ACYP2: variants seen among roughly 807,000 people sequenced by gnomAD.
ACYP2 encodes the protein acylphosphatase-2.
Under a neutral mutation model 11.2 loss-of-function variants are expected in ACYP2, and 12 were observed. That is an observed-to-expected ratio of 1.08 (90% confidence interval 0.69 to 1.74). The LOEUF (loss-of-function observed/expected upper bound fraction) is 1.74, where lower values mean the gene tolerates loss of function less well. Among genes scored for constraint, ACYP2 ranks in the 40% most tolerant of loss-of-function variants. ACYP2 has a pLI of 0.00. For missense variants in ACYP2, 134 were observed against 101.9 expected (o/e 1.31, Z -1.35); for synonymous variants, 43 against 32.2 (o/e 1.33, Z -1.13).
At chr2:54,052,625 A>G (rs1324670268) in intron 3 of ACYP2, among the ~76,000 whole-genome samples, 2 of 152,210 alleles carry the variant, frequency 1.3e-5, no homozygotes, top group African/African-American at 4.8e-5. Flanking sequence ...AGTAAATACA[A>G]TTTTAAAAAT....
intron 6 of ACYP2, among the ~76,000 whole-genome samples, chr2:54,150,742 T>TC (rs200291792): frequency 1.8e-4 from 25 of 135,860 alleles, no homozygotes; most frequent in African/African-American, 2.7e-4. Flanking sequence ...TTTCTTTCTT[T>TC]TTTTTTTTTT....
chr2:54,126,068 G>A (rs59272765), intron 4 of ACYP2, among the ~76,000 whole-genome samples: 2,220 of 152,240 alleles, frequency 0.015, 64 homozygotes, highest in African/African-American at 0.051. Context: ...GCGACAGAGA[G>A]AGACTCCGAC....
intron 4 of ACYP2, among the ~76,000 whole-genome samples, chr2:54,107,963 C>G (rs190011095): frequency 6.6e-6 from 1 of 152,158 alleles, no homozygotes. Flanking sequence ...TCATCAGAAG[C>G]TGCCATGCTC....
intron 2 of ACYP2, among the ~76,000 whole-genome samples, chr2:54,022,213 T>C (rs1296028132): frequency 1.3e-5 from 2 of 152,292 alleles, no homozygotes; most frequent in Middle Eastern, 3.4e-3. Context: ...TCCTTTTTTC[T>C]TTTGTTAAAT....
intron 4 of ACYP2, among the ~76,000 whole-genome samples, chr2:54,088,012 T>C (rs1678030539): frequency 6.6e-6 from 1 of 152,196 alleles, no homozygotes; most frequent in African/African-American, 2.4e-5. Context: ...ACACAGATCC[T>C]ACCTCACCAA....
At chr2:54,034,894 T>C (rs1320862510) in intron 2 of ACYP2, among the ~76,000 whole-genome samples, 1 of 150,146 alleles carries the variant, frequency 6.7e-6, no homozygotes, top group African/African-American at 2.5e-5. Flanking sequence ...ACTATAATCC[T>C]AGCTACTCAG....
At position 54,113,692 on chromosome 2, in the gene ACYP2, C is replaced by T. The variant is rs142352061; in HGVS notation, c.278-21761C>T. On this transcript the variant is annotated intron_variant, in intron 4 of 6. Coordinates refer to ENST00000607452, the MANE Select transcript of ACYP2 (RefSeq NM_001320586.2). ...GTAACCACTCGCAGAGATGACTGAGCGGGATAGAGGAAGATTTTGGAGAAG... is the reference window on the plus strand; with the variant it reads ...GTAACCACTCGCAGAGATGACTGAGTGGGATAGAGGAAGATTTTGGAGAAG... 1.1e-3 allele frequency among the ~76,000 whole-genome samples: 160 copies of T among 151,912 alleles called. 1 individual carries two copies. The highest frequency in any genetic ancestry group is 1.9e-3 in the Non-Finnish European group (126 of 67,976).
At chr2:54,295,922 G>T (rs1689502818) in intron 6 of ACYP2, among the ~76,000 whole-genome samples, 1 of 152,120 alleles carries the variant, frequency 6.6e-6, no homozygotes, top group Non-Finnish European at 1.5e-5. Context: ...CGCCATGCCT[G>T]GCTAATTTTT....
intron 4 of ACYP2, among the ~76,000 whole-genome samples, chr2:54,083,061 G>A (rs1246522270): frequency 1.3e-5 from 2 of 148,408 alleles, no homozygotes; most frequent in Non-Finnish European, 3.0e-5. Flanking sequence ...GCCACAGAGT[G>A]AGACTCTGTC....
At chr2:54,255,880 G>C (rs1266349392) in intron 6 of ACYP2, 1 of 1,614,048 alleles carries the variant, frequency 6.2e-7, no homozygotes, top group East Asian at 2.2e-5. Context: ...GGGTGGTGGA[G>C]TCACTTCCTG....
intron 4 of ACYP2, among the ~76,000 whole-genome samples, chr2:54,129,245 A>G (rs566245419): frequency 6.6e-6 from 1 of 152,176 alleles, no homozygotes; most frequent in Non-Finnish European, 1.5e-5. Flanking sequence ...CAGGATTGTG[A>G]TTTTCAGGAT....
intron 4 of ACYP2, among the ~76,000 whole-genome samples, chr2:54,121,048 C>T (rs73935069): frequency 0.012 from 1,829 of 152,230 alleles, 45 homozygotes; most frequent in African/African-American, 0.042. Flanking sequence ...TATAGCTCGG[C>T]GAGCATGAGC....
chr2:54,179,669 C>T (rs2103865712), intron 6 of ACYP2, among the ~76,000 whole-genome samples: 1 of 152,218 alleles, frequency 6.6e-6, no homozygotes, highest in South Asian at 2.1e-4. Flanking sequence ...GGGAGTGCAG[C>T]AATGAGGATG....
chr2:54,196,830 C>G (rs186253592), intron 6 of ACYP2, among the ~76,000 whole-genome samples: 7 of 152,278 alleles, frequency 4.6e-5, no homozygotes, highest in Non-Finnish European at 1.0e-4. Context: ...ATGTGAATTG[C>G]CTGTTTGATT....
intron 4 of ACYP2, among the ~76,000 whole-genome samples, chr2:54,098,719 A>C (rs568086904): frequency 2.2e-5 from 3 of 137,850 alleles, no homozygotes; most frequent in African/African-American, 8.2e-5. Context: ...GATTTCAGAC[A>C]ATGTCCCTTT....
intron 6 of ACYP2, among the ~76,000 whole-genome samples, chr2:54,175,317 T>C (rs1683411132): frequency 1.3e-5 from 2 of 152,332 alleles, no homozygotes; most frequent in South Asian, 2.1e-4. Context: ...TTTATTTGCA[T>C]AGAGGTGTTT....
chr2:54,295,087 C>T (rs1689471385), intron 6 of ACYP2, among the ~76,000 whole-genome samples: 1 of 152,100 alleles, frequency 6.6e-6, no homozygotes, highest in Non-Finnish European at 1.5e-5. Flanking sequence ...TATGACTAGG[C>T]TTGCAGGATG....
chr2:53,986,312 A>G (rs1291334764), intron 2 of ACYP2, among the ~76,000 whole-genome samples: 2 of 150,692 alleles, frequency 1.3e-5, no homozygotes, highest in East Asian at 3.9e-4. Flanking sequence ...CTTCCTGTAC[A>G]GCCTGCAGAA....
chr2:54,301,226 C>T (rs1445401387), intron 6 of ACYP2, among the ~76,000 whole-genome samples: 1 of 152,148 alleles, frequency 6.6e-6, no homozygotes, highest in African/African-American at 2.4e-5. Flanking sequence ...AACATTTTTC[C>T]TGTGCTTCTT....
Sources: gnomAD v4.1 joint callset for allele counts (sites outside exome capture counted in the v4.1 genomes callset) on GRCh38, gnomAD v4.1.1 for gene constraint, MANE v1.5 for transcripts, NCBI Gene and HGNC (gene_info 2026-07-23, HGNC 2026-07-21) for gene names.